Variants in CNTN5 observed in about 807,000 individuals in gnomAD.
CNTN5 encodes the protein contactin-5.
A neutral mutation model predicts 129.1 loss-of-function variants in CNTN5; 77 were observed. That is an observed-to-expected ratio of 0.60 (90% CI 0.50 to 0.72). The LOEUF is 0.72. Among genes scored for constraint, CNTN5 ranks in the 30% least tolerant of loss-of-function variants. CNTN5 has a pLI of 0.00. For synonymous variants in CNTN5, 509 were observed against 465.6 expected, an observed-to-expected ratio of 1.09 and a Z score of -1.20; for missense variants, 1,478 against 1,328.8, an observed-to-expected ratio of 1.11 and a Z score of -1.75.
chr11:99,160,616 CTTAA>C (rs922653464), intron 1 of CNTN5, among the ~76,000 whole-genome samples: 42 of 152,278 alleles, frequency 2.8e-4, no homozygotes, highest in Middle Eastern at 3.4e-3. Flanking sequence ...GGGGAGTAAA[CTTAA>C]TTAGTCTGAA....
chr11:99,932,637 A>G (rs1217216253), intron 7 of CNTN5, among the ~76,000 whole-genome samples: 1 of 152,214 alleles, frequency 6.6e-6, no homozygotes, highest in Non-Finnish European at 1.5e-5. Context: ...TGTTCTTACC[A>G]TAATTCCTCA....
intron 18 of CNTN5, among the ~76,000 whole-genome samples, chr11:100,277,122 G>C (rs1950530729): frequency 6.6e-6 from 1 of 152,110 alleles, no homozygotes; most frequent in Admixed American, 6.5e-5. Flanking sequence ...ATGATCTCCA[G>C]ATCCATCCAT....
In CNTN5 at chr11:99,059,498, G is replaced by A. The variant is rs146327056; in HGVS notation, c.-210+38228G>A. Among the ~76,000 whole-genome samples the A allele has an allele frequency of 1.4e-3, 213 of 152,170 alleles. 2 individuals carry two copies. Among genetic ancestry groups the A allele is most frequent in the African/African-American group, 4.8e-3 (199 of 41,554 alleles). ...AGAATATGGCAAATACTTCCCTTTA[G>A]TCATTTATGGGTCTGAATGAACAAT... On this transcript the variant is annotated intron_variant, in intron 1 of 24. Coordinates refer to ENST00000524871, the MANE Select transcript of CNTN5 (RefSeq NM_014361.4).
intron 3 of CNTN5, among the ~76,000 whole-genome samples, chr11:99,790,843 C>A (rs1162776831): frequency 1.3e-5 from 2 of 151,984 alleles, no homozygotes; most frequent in African/African-American, 4.8e-5. Context: ...ATTTTTTTGA[C>A]ATTTTATTAA....
chr11:99,755,635 T>C (rs147500622), intron 3 of CNTN5, among the ~76,000 whole-genome samples: 6 of 152,230 alleles, frequency 3.9e-5, no homozygotes, highest in African/African-American at 1.4e-4. Context: ...AGATATGTTT[T>C]TGCAAATATT....
intron 3 of CNTN5, among the ~76,000 whole-genome samples, chr11:99,765,555 T>G (rs1463133954): frequency 6.6e-6 from 1 of 151,718 alleles, no homozygotes; most frequent in Non-Finnish European, 1.5e-5. Context: ...CCTTCTTACA[T>G]TTTATATATT....
At chr11:99,294,539 G>C (rs897147423) in intron 1 of CNTN5, among the ~76,000 whole-genome samples, 13 of 152,058 alleles carry the variant, frequency 8.5e-5, no homozygotes, top group Non-Finnish European at 2.9e-5. Context: ...ATAATGGAAA[G>C]ATATCCCATG....
intron 13 of CNTN5, among the ~76,000 whole-genome samples, chr11:100,093,748 AG>A: frequency 6.6e-6 from 1 of 152,258 alleles, no homozygotes; most frequent in South Asian, 2.1e-4. Flanking sequence ...CCCAGTCACA[AG>A]AATTACACGT....
intron 1 of CNTN5, among the ~76,000 whole-genome samples, chr11:99,244,514 A>G (rs1314751218): frequency 6.6e-6 from 1 of 152,136 alleles, no homozygotes; most frequent in Non-Finnish European, 1.5e-5. Context: ...TACAGTCTCT[A>G]AAGCTTATGA....
At chr11:99,659,863 C>A (rs138675610) in intron 3 of CNTN5, among the ~76,000 whole-genome samples, 2 of 152,028 alleles carry the variant, frequency 1.3e-5, no homozygotes. Context: ...GCCAAGTTGG[C>A]GTGTAAAATT....
At chr11:100,345,274 C>T (rs979322678) in intron 23 of CNTN5, among the ~76,000 whole-genome samples, 3 of 152,038 alleles carry the variant, frequency 2.0e-5, no homozygotes, top group African/African-American at 2.4e-5. Flanking sequence ...GGAGGAACAC[C>T]GTGTCCTCAC....
At chr11:99,844,609 C>G (rs199714349) in intron 4 of CNTN5, 1 of 470,838 alleles carries the variant, frequency 2.1e-6, no homozygotes, top group Non-Finnish European at 3.8e-6. Context: ...ATATAAATGT[C>G]TGAGGTTTGT....
intron 3 of CNTN5, among the ~76,000 whole-genome samples, chr11:99,606,809 C>G (rs1950433093): frequency 7.1e-6 from 1 of 140,934 alleles, no homozygotes. Flanking sequence ...CTACAACTAT[C>G]TGATCTTTGA....
intron 6 of CNTN5, among the ~76,000 whole-genome samples, chr11:99,900,208 C>G (rs1290268505): frequency 6.6e-6 from 1 of 150,530 alleles, no homozygotes; most frequent in Non-Finnish European, 1.5e-5. Flanking sequence ...TGGCCTCAAC[C>G]TCATTTAGTT....
intron 2 of CNTN5, among the ~76,000 whole-genome samples, chr11:99,327,122 A>G (rs1446096544): frequency 2.6e-5 from 4 of 152,182 alleles, no homozygotes; most frequent in African/African-American, 9.7e-5. Context: ...AAGCACCTTA[A>G]TTGAATTTAG....
intron 3 of CNTN5, among the ~76,000 whole-genome samples, chr11:99,726,815 C>T (rs769435362): frequency 1.4e-4 from 22 of 152,124 alleles, no homozygotes; most frequent in Middle Eastern, 3.4e-3. Flanking sequence ...TACCACTCTC[C>T]GCCCCATCTT....
At chr11:99,791,548 G>A (rs1020856667) in intron 3 of CNTN5, among the ~76,000 whole-genome samples, 1 of 151,806 alleles carries the variant, frequency 6.6e-6, no homozygotes, top group Non-Finnish European at 1.5e-5. Flanking sequence ...GTTGGGTCAC[G>A]TGATGCCTCC....
intron 1 of CNTN5, among the ~76,000 whole-genome samples, chr11:99,105,335 G>A (rs999570662): frequency 2.6e-5 from 4 of 152,074 alleles, no homozygotes; most frequent in African/African-American, 9.7e-5. Context: ...AGTAATCAAG[G>A]CTTTATTTAA....
chr11:99,968,395 A>C (rs902067624), intron 8 of CNTN5, among the ~76,000 whole-genome samples: 1 of 152,096 alleles, frequency 6.6e-6, no homozygotes, highest in Non-Finnish European at 1.5e-5. Context: ...CAGGCAAACT[A>C]ATCAGCTGAG....
Sources: gnomAD v4.1 joint callset for allele counts (sites outside exome capture counted in the v4.1 genomes callset) on GRCh38, gnomAD v4.1.1 for gene constraint, MANE v1.5 for transcripts, NCBI Gene and HGNC (gene_info 2026-07-23, HGNC 2026-07-21) for gene names.